Variants in GSKIP observed in about 807,000 individuals in gnomAD.
GSKIP encodes GSK3B-interacting protein.
In GSKIP, 5 loss-of-function variants were observed where a neutral mutation model predicts 11.9. The observed-to-expected ratio is 0.42, with a 90% CI of 0.22 to 0.89. GSKIP has a LOEUF of 0.89. Among genes scored for constraint, GSKIP ranks in the 40% least tolerant of loss-of-function variants. The pLI is 0.29. For missense variants in GSKIP, 150 were observed against 166.6 expected (o/e 0.90, Z 0.55); for synonymous variants, 70 against 62.9 (o/e 1.11, Z -0.54).
chr14:96,382,188 A>G (rs1296748019), intron 2 of GSKIP, 59 bp from the exon 3 acceptor site: 1 of 1,170,170 alleles, frequency 8.5e-7, no homozygotes, highest in Non-Finnish European at 1.2e-6. Context: ...AATCAAATGT[A>G]GTAGTTTGAA....
intron 1 of GSKIP, among the ~76,000 whole-genome samples, chr14:96,370,642 C>G (rs1205955944): frequency 6.6e-6 from 1 of 152,104 alleles, no homozygotes; most frequent in Non-Finnish European, 1.5e-5. Flanking sequence ...TGCTTTCTAT[C>G]TACCTACCTA....
At chr14:96,367,589 T>A (rs1258765402) in intron 1 of GSKIP, among the ~76,000 whole-genome samples, 1 of 152,168 alleles carries the variant, frequency 6.6e-6, no homozygotes, top group East Asian at 1.9e-4. Context: ...TCTTTGCCCA[T>A]TTTTTTGTCA....
chr14:96,374,271 A>G (rs1461585134), intron 1 of GSKIP, among the ~76,000 whole-genome samples: 1 of 152,240 alleles, frequency 6.6e-6, no homozygotes, highest in Non-Finnish European at 1.5e-5. Context: ...TACAGCAATG[A>G]GGAACAGGAC....
chr14:96,375,808 C>T (rs781026314), intron 1 of GSKIP, among the ~76,000 whole-genome samples: 4 of 152,142 alleles, frequency 2.6e-5, no homozygotes, highest in Admixed American at 6.5e-5. Flanking sequence ...GCCTTCTTGG[C>T]GGTGGGGACT....
At chr14:96,382,683 C>A (rs1376249928) in intron 3 of GSKIP, among the ~76,000 whole-genome samples, 178 bp downstream of exon 3, 2 of 151,990 alleles carry the variant, frequency 1.3e-5, no homozygotes, top group African/African-American at 4.8e-5. Context: ...GGCTTTTGAT[C>A]GATATGGGGA....
chr14:96,373,461 A>T (rs1889112177), intron 1 of GSKIP, among the ~76,000 whole-genome samples: 2 of 152,052 alleles, frequency 1.3e-5, no homozygotes, highest in Admixed American at 1.3e-4. Context: ...GATTTAGAAA[A>T]TTTTTTATGC....
intron 1 of GSKIP, among the ~76,000 whole-genome samples, chr14:96,375,868 T>C (rs979320147): frequency 1.2e-4 from 19 of 152,226 alleles, no homozygotes; most frequent in African/African-American, 4.3e-4. Flanking sequence ...GGGGGCTGAA[T>C]GTGCTGGCTC....
intron 1 of GSKIP, among the ~76,000 whole-genome samples, chr14:96,367,202 A>T (rs1237726787): frequency 6.6e-6 from 1 of 152,204 alleles, no homozygotes; most frequent in Admixed American, 6.5e-5. Context: ...AGTTCTCTCA[A>T]TATCACTTAA....
intron 1 of GSKIP, among the ~76,000 whole-genome samples, chr14:96,376,333 G>A (rs1595349177): frequency 1.5e-5 from 2 of 129,568 alleles, no homozygotes; most frequent in East Asian, 4.1e-4. Context: ...GCTGACCTTT[G>A]CTTATGCTTT....
rs141763331 is a variant in GSKIP at position 96,385,789 on chromosome 14, T to G, written c.*105T>G. The G allele has an allele frequency of 2.0e-4, 174 of 860,956 alleles. 1 individual carries two copies. The African/African-American group carries it at 2.9e-3, about 14-fold the overall frequency. The allele number at this position is 860,956 out of a possible 1,614,324, so 53.3% of individuals were successfully genotyped here. On this transcript the variant is annotated 3_prime_UTR_variant, in exon 4 of 4. Coordinates refer to ENST00000555181, the MANE Select transcript of GSKIP (RefSeq NM_016472.5). ...GAAAATGCATCTTTGGTTTTGTGTTTTTATCACTTGCTTCCAACTTAGGCT... is the reference window on the plus strand; with the variant it reads ...GAAAATGCATCTTTGGTTTTGTGTTGTTATCACTTGCTTCCAACTTAGGCT...
chr14:96,372,966 C>CA (rs1041748189), intron 1 of GSKIP, among the ~76,000 whole-genome samples: 2 of 152,032 alleles, frequency 1.3e-5, no homozygotes, highest in African/African-American at 4.8e-5. Flanking sequence ...TGCTGTGGCT[C>CA]ACGCCTGTAA....
intron 1 of GSKIP, among the ~76,000 whole-genome samples, chr14:96,374,558 C>G (rs769494258): frequency 3.3e-5 from 5 of 152,160 alleles, no homozygotes; most frequent in Non-Finnish European, 5.9e-5. Flanking sequence ...TTTAGAGACA[C>G]AGGCTCTTAC....
chr14:96,369,241 C>T (rs1334156570), intron 1 of GSKIP, among the ~76,000 whole-genome samples: 1 of 152,106 alleles, frequency 6.6e-6, no homozygotes, highest in African/African-American at 2.4e-5. Context: ...CTGCTTTTAA[C>T]AGCTTACAAT....
intron 1 of GSKIP, among the ~76,000 whole-genome samples, chr14:96,373,369 A>G (rs990075394): frequency 1.3e-5 from 2 of 152,098 alleles, no homozygotes; most frequent in Non-Finnish European, 2.9e-5. Context: ...GATAATATCA[A>G]ATCATTTTCC....
At chr14:96,382,847 T>C (rs1015286662) in intron 3 of GSKIP, among the ~76,000 whole-genome samples, 1 of 152,166 alleles carries the variant, frequency 6.6e-6, no homozygotes, top group Non-Finnish European at 1.5e-5. Context: ...AGTCACTGTG[T>C]TGAAAAGATT....
At chr14:96,380,826 A>G (rs780736998) in intron 2 of GSKIP, among the ~76,000 whole-genome samples, 11 of 152,182 alleles carry the variant, frequency 7.2e-5, no homozygotes, top group Non-Finnish European at 1.5e-4. Context: ...CACACCTGTG[A>G]ATAACCACTG....
At chr14:96,375,712 G>A (rs562709086) in intron 1 of GSKIP, among the ~76,000 whole-genome samples, 10 of 152,258 alleles carry the variant, frequency 6.6e-5, no homozygotes, top group East Asian at 3.9e-4. Flanking sequence ...GATAACAGGC[G>A]TGAGCCACCA....
At chr14:96,384,922 TAA>T (rs1192114971) in intron 3 of GSKIP, 5 of 152,108 alleles carry the variant, frequency 3.3e-5, no homozygotes, top group Non-Finnish European at 7.4e-5. Context: ...TTCAGATTAC[TAA>T]TAATAAAGCT....
At chr14:96,371,489 G>A (rs1270640713) in intron 1 of GSKIP, among the ~76,000 whole-genome samples, 2 of 144,156 alleles carry the variant, frequency 1.4e-5, no homozygotes, top group African/African-American at 5.1e-5. Context: ...CTGTCACCCA[G>A]GCTGGAGTAC....
Sources: gnomAD v4.1 joint callset for allele counts (sites outside exome capture counted in the v4.1 genomes callset) on GRCh38, gnomAD v4.1.1 for gene constraint, MANE v1.5 for transcripts, NCBI Gene and HGNC (gene_info 2026-07-23, HGNC 2026-07-21) for gene names.